C8orf34: variants seen among roughly 807,000 people sequenced by gnomAD.
The protein encoded by C8orf34 is chromosome 8 open reading frame 34.
C8orf34 carries 65 observed loss-of-function variants against 68.3 expected under a neutral mutation model. The ratio of observed to expected loss-of-function variants is 0.95; its 90% CI spans 0.78 to 1.17. The LOEUF is 1.17. C8orf34 is among the 50% of genes most tolerant of loss of function. C8orf34 has a pLI of 0.00. For synonymous variants in C8orf34, 244 were observed against 241.2 expected (o/e 1.01, Z -0.11); for missense variants, 664 against 655.4 (o/e 1.01, Z -0.14).
At chr8:68,629,634 A>G (rs1176009940) in intron 7 of C8orf34, among the ~76,000 whole-genome samples, 6 of 152,208 alleles carry the variant, frequency 3.9e-5, no homozygotes, top group Non-Finnish European at 5.9e-5. Flanking sequence ...ATATCAATGA[A>G]TGCCTACTCT....
chr8:68,790,720 G>A (rs1823970385), intron 12 of C8orf34: 1 of 484,832 alleles, frequency 2.1e-6, no homozygotes, highest in Admixed American at 3.8e-5. Flanking sequence ...TAATCTCTCA[G>A]ATTATGGTCT....
At chr8:68,628,562 G>A (rs1268151431) in intron 7 of C8orf34, among the ~76,000 whole-genome samples, 1 of 151,994 alleles carries the variant, frequency 6.6e-6, no homozygotes, top group African/African-American at 2.4e-5. Flanking sequence ...AATTCACTCA[G>A]AATATATAAC....
At chr8:68,369,749 G>A (rs1241057472) in intron 1 of C8orf34, among the ~76,000 whole-genome samples, 1 of 152,192 alleles carries the variant, frequency 6.6e-6, no homozygotes, top group African/African-American at 2.4e-5. Context: ...GAAGCAGACA[G>A]GACTTTACTA....
intron 1 of C8orf34, among the ~76,000 whole-genome samples, chr8:68,419,532 T>C (rs1215532374): frequency 6.6e-6 from 1 of 152,010 alleles, no homozygotes; most frequent in African/African-American, 2.4e-5. Context: ...TGCACACATA[T>C]GTTTATTGCA....
chr8:68,640,746 TTA>T (rs1192916005), intron 8 of C8orf34, among the ~76,000 whole-genome samples: 1 of 152,134 alleles, frequency 6.6e-6, no homozygotes, highest in Admixed American at 6.6e-5. Context: ...TGAGACTATT[TTA>T]TGTCTTCTGT....
intron 7 of C8orf34, among the ~76,000 whole-genome samples, chr8:68,574,245 A>G (rs567078388): frequency 6.6e-6 from 1 of 152,234 alleles, no homozygotes; most frequent in African/African-American, 2.4e-5. Context: ...TAATTCAAAT[A>G]CTGAGAAAAA....
chr8:68,650,249 C>T (rs986659025), intron 8 of C8orf34, among the ~76,000 whole-genome samples: 7 of 151,910 alleles, frequency 4.6e-5, no homozygotes, highest in African/African-American at 7.3e-5. Flanking sequence ...GCCGACACAC[C>T]AGAGTGAGGA....
chr8:68,367,899 T>TAAGAAAAG (rs1807357845), intron 1 of C8orf34, among the ~76,000 whole-genome samples: 1 of 8,248 alleles, frequency 1.2e-4, no homozygotes. Context: ...TAAAGTATAA[T>TAAGAAAAG]AAAAAAAGAA....
intron 6 of C8orf34, among the ~76,000 whole-genome samples, chr8:68,529,118 C>T (rs1162162056): frequency 6.6e-6 from 1 of 152,152 alleles, no homozygotes; most frequent in South Asian, 2.1e-4. Context: ...CCTCCCTGGC[C>T]CCAGCAATTA....
At chr8:68,377,755 C>A (rs932257550) in intron 1 of C8orf34, among the ~76,000 whole-genome samples, 1 of 151,888 alleles carries the variant, frequency 6.6e-6, no homozygotes, top group South Asian at 2.1e-4. Flanking sequence ...TTTGTTCTCA[C>A]GCTGCTATGA....
At chr8:68,452,176 G>A (rs555523688) in intron 3 of C8orf34, among the ~76,000 whole-genome samples, 1 of 151,674 alleles carries the variant, frequency 6.6e-6, no homozygotes, top group East Asian at 1.9e-4. Context: ...ATTGCTATGA[G>A]TGTTCATATA....
At chr8:68,624,517 C>T (rs1448103734) in intron 7 of C8orf34, among the ~76,000 whole-genome samples, 4 of 152,162 alleles carry the variant, frequency 2.6e-5, no homozygotes, top group Non-Finnish European at 5.9e-5. Flanking sequence ...CCAGTTAATA[C>T]TTGGGTGCCT....
intron 7 of C8orf34, among the ~76,000 whole-genome samples, chr8:68,598,044 A>C: frequency 6.6e-6 from 1 of 152,166 alleles, no homozygotes; most frequent in East Asian, 1.9e-4. Context: ...TGTTTTTAAA[A>C]ATTAAAAAGT....
chr8:68,400,388 A>G (rs1162183929), intron 1 of C8orf34, among the ~76,000 whole-genome samples: 1 of 151,948 alleles, frequency 6.6e-6, no homozygotes, highest in African/African-American at 2.4e-5. Context: ...GCATGTGGCT[A>G]TCCAATTTCC....
Position 68,504,826 on chromosome 8 carries a change from C to T in C8orf34, c.765+16775C>T, listed in dbSNP as rs191540990. ...TCCCAAGTAGCTGAGATTACAGGTG[C>T]CTGCCACCATGCCCAGCTAATTTTT... On this transcript the variant is annotated intron_variant, in intron 5 of 13. Transcript: ENST00000518698. Among the ~76,000 whole-genome samples, 4 of 152,096 alleles carry T rather than the reference C, an allele frequency of 2.6e-5. No individual in the cohort carries two copies. In the East Asian group the frequency reaches 7.8e-4, roughly 30 times the overall value.
At chr8:68,519,886 CT>C (rs1304996850) in intron 5 of C8orf34, among the ~76,000 whole-genome samples, 1 of 152,116 alleles carries the variant, frequency 6.6e-6, no homozygotes, top group Non-Finnish European at 1.5e-5. Context: ...GAAAAGTATT[CT>C]GAAGTTGTAA....
At chr8:68,507,560 G>A (rs1475980629) in intron 5 of C8orf34, among the ~76,000 whole-genome samples, 7 of 152,178 alleles carry the variant, frequency 4.6e-5, no homozygotes, top group African/African-American at 1.7e-4. Context: ...TTCCCTGAGA[G>A]TCTCCATTTA....
chr8:68,776,447 G>A lies in C8orf34; in HGVS notation c.1453G>A (p.Glu485Lys). The A allele has an allele frequency of 6.2e-7, 1 of 1,612,176 alleles. No individual in the cohort carries two copies. The highest frequency in any genetic ancestry group is 8.5e-7 in the Non-Finnish European group (1 of 1,178,416). ...ACACTCACTGAAAAACTACATGGAAGAAGTGAGTTTTAAGGTTGCTTTATA... is the reference window on the plus strand; with the variant it reads ...ACACTCACTGAAAAACTACATGGAAAAAGTGAGTTTTAAGGTTGCTTTATA... Reference protein sequence around the residue: ...VGHSLKNYMEEDESLKQLQVV... With the variant: ...VGHSLKNYMEKDESLKQLQVV... The change falls in exon 11 of 14, where the codon GAA (glutamate) becomes AAA (lysine). Residue 485 changes from glutamate to lysine, a missense_variant and splice_region_variant. Transcript: ENST00000518698.
At position 68,641,244 on chromosome 8, in the gene C8orf34, GTAGTGTTTGAGAGGAGAT is replaced by G. The variant is rs1207592144; in HGVS notation, c.1241+737_1241+754del. 2.0e-5 allele frequency among the ~76,000 whole-genome samples: 3 copies of G among 152,290 alleles called. No homozygotes were observed. The East Asian group carries it at 5.8e-4, about 29-fold the overall frequency. The stretch of plus-strand genomic sequence containing the variant: ...TTTCTTTATGTCTAGCTGCTCTATT[GTAGTGTTTGAGAGGAGAT>G]TAGCTGCTTGGATATAGGGAGGGAG... On this transcript the variant is annotated intron_variant, in intron 8 of 13. Transcript: ENST00000518698.
Sources: gnomAD v4.1 joint callset for allele counts (sites outside exome capture counted in the v4.1 genomes callset) on GRCh38, gnomAD v4.1.1 for gene constraint, MANE v1.5 for transcripts, NCBI Gene and HGNC (gene_info 2026-07-23, HGNC 2026-07-21) for gene names.